The following THEMIS variants were observed in gnomAD, a reference collection of about 807,000 sequenced individuals.
The protein encoded by THEMIS is protein THEMIS.
THEMIS carries 37 observed loss-of-function variants against 52.6 expected under a neutral mutation model. The ratio of observed to expected loss-of-function variants is 0.70; its 90% CI spans 0.54 to 0.93. THEMIS has a LOEUF of 0.93. Ranked by LOEUF, THEMIS falls within the 40% of genes least tolerant of loss-of-function variation. The pLI, the probability that THEMIS is intolerant of heterozygous loss-of-function variation, is 0.00. For synonymous variants in THEMIS, 292 were observed against 272.7 expected (o/e 1.07, Z -0.70); for missense variants, 808 against 763.1 (o/e 1.06, Z -0.69).
intron 4 of THEMIS, among the ~76,000 whole-genome samples, chr6:127,795,649 A>G (rs750207000): frequency 6.6e-6 from 1 of 152,162 alleles, no homozygotes; most frequent in Non-Finnish European, 1.5e-5. Context: ...TTTAGAAGTT[A>G]ATAAAGTGTT....
In THEMIS at chr6:127,813,047, C is replaced by G; in HGVS notation, c.1594G>C (p.Val532Leu). ...DAEPFLVRTLVEEITEEQYYM... is the reference protein window; with the variant it reads ...DAEPFLVRTLLEEITEEQYYM... ...TATTGCTCTTCAGTGATCTCTTCTACCAGAGTCCTGACTAGAAATGGTTCT... is the reference window on the plus strand; with the variant it reads ...TATTGCTCTTCAGTGATCTCTTCTAGCAGAGTCCTGACTAGAAATGGTTCT... The change falls in exon 4 of 6, where the codon GTA becomes CTA. Residue 532 changes from valine to leucine, a missense_variant. Val to Leu is a conservative substitution (Grantham distance 32, BLOSUM62 1). Coordinates refer to ENST00000368248, the MANE Select transcript of THEMIS (RefSeq NM_001010923.3). The G allele has an allele frequency of 1.2e-6, 2 of 1,614,088 alleles. No individual in the cohort carries two copies. Among genetic ancestry groups the G allele is most frequent in the Non-Finnish European group, 1.7e-6 (2 of 1,180,012 alleles).
intron 4 of THEMIS, among the ~76,000 whole-genome samples, chr6:127,747,351 T>C (rs2114316942): frequency 6.9e-6 from 1 of 144,564 alleles, no homozygotes; most frequent in South Asian, 2.1e-4. Context: ...GATACAATTA[T>C]AGATATATAA....
intron 4 of THEMIS, among the ~76,000 whole-genome samples, chr6:127,784,330 C>T (rs942943932): frequency 6.6e-6 from 1 of 151,978 alleles, no homozygotes; most frequent in Non-Finnish European, 1.5e-5. Context: ...CACATGTATA[C>T]CTATGTAACA....
rs759683239 is a variant in THEMIS, at chr6:127,719,766, T to C, written c.1816A>G (p.Lys606Glu). The C allele has an allele frequency of 1.2e-6, 2 of 1,612,488 alleles. No homozygotes were observed. Residue 606 changes from lysine to glutamate, a missense_variant, in exon 5 of 6, where the codon AAA becomes GAA. By Grantham distance (56) the Lys-to-Glu change is moderately conservative. Coordinates refer to ENST00000368248, the MANE Select transcript of THEMIS (RefSeq NM_001010923.3). ...LHPNQAGLDS[K>E]VLIGSQNDLV... ...TCATTCTGACTACCAATCAGTACTT[T>C]TGAATCCAGGCCAGCTTGATTTGGG...
intron 3 of THEMIS, among the ~76,000 whole-genome samples, chr6:127,824,790 T>G (rs116949414): frequency 0.069 from 10,496 of 152,128 alleles, 383 homozygotes; most frequent in Non-Finnish European, 0.086. Context: ...AGCCACCGGG[T>G]GGCAGGCGCC....
chr6:127,889,678 A>T (rs539637157), intron 1 of THEMIS, among the ~76,000 whole-genome samples: 24 of 147,144 alleles, frequency 1.6e-4, no homozygotes, highest in African/African-American at 5.8e-4. Flanking sequence ...TTTAATATTA[A>T]AAATCCTAAT....
chr6:127,861,039 C>A (rs1680309609), intron 1 of THEMIS, among the ~76,000 whole-genome samples: 2 of 152,044 alleles, frequency 1.3e-5, no homozygotes. Context: ...GATTGTGGAA[C>A]AAATCAGTGA....
At chr6:127,868,475 A>G in intron 1 of THEMIS, 1 of 985,398 alleles carries the variant, frequency 1.0e-6, no homozygotes, top group Non-Finnish European at 1.2e-6. Context: ...AGCATTTCCC[A>G]ACCTTCCACA....
At chr6:127,825,894 C>T (rs960632252) in intron 3 of THEMIS, among the ~76,000 whole-genome samples, 4 of 152,006 alleles carry the variant, frequency 2.6e-5, no homozygotes, top group Non-Finnish European at 4.4e-5. Context: ...ACGATAAGGT[C>T]GTCATCGCAG....
chr6:127,825,722 G>A (rs117422902), intron 3 of THEMIS, among the ~76,000 whole-genome samples: 26 of 152,230 alleles, frequency 1.7e-4, no homozygotes, highest in Middle Eastern at 3.4e-3. Flanking sequence ...ACATGAGAAC[G>A]AAGAGTTACA....
chr6:127,813,092 T>C lies in THEMIS; in HGVS notation c.1549A>G (p.Ser517Gly), dbSNP rs150659844. The C allele has an allele frequency of 3.7e-6, 6 of 1,613,924 alleles. No individual in the cohort carries two copies. Among genetic ancestry groups the C allele is most frequent in the Admixed American group, 1.7e-5 (1 of 59,974 alleles). ...GGTTCTGCATCCCTAGAGAAATTACTAACTAACTGAACAGTCATATTCAAG... is the reference window on the plus strand; with the variant it reads ...GGTTCTGCATCCCTAGAGAAATTACCAACTAACTGAACAGTCATATTCAAG... ...GRLNMTVQLVSNFSRDAEPFL... is the reference protein window; with the variant it reads ...GRLNMTVQLVGNFSRDAEPFL... Residue 517 changes from serine (S) to glycine (G), a missense_variant, in exon 4 of 6, where the codon AGT becomes GGT. Coordinates refer to ENST00000368248, the MANE Select transcript of THEMIS (RefSeq NM_001010923.3).
intron 2 of THEMIS, among the ~76,000 whole-genome samples, chr6:127,848,028 A>G (rs1288115444): frequency 1.3e-5 from 2 of 150,404 alleles, no homozygotes; most frequent in East Asian, 4.0e-4. Flanking sequence ...TTAACTCGTC[A>G]TTTAACATTA....
chr6:127,787,797 T>TGATAAGTA (rs1777003591), intron 4 of THEMIS, among the ~76,000 whole-genome samples: 1 of 74,814 alleles, frequency 1.3e-5, no homozygotes, highest in South Asian at 4.9e-4. Context: ...CCTGCCACAG[T>TGATAAGTA]GATAGGTAGA....
intron 4 of THEMIS, among the ~76,000 whole-genome samples, chr6:127,766,055 G>T (rs921153326): frequency 2.0e-5 from 3 of 151,990 alleles, no homozygotes; most frequent in African/African-American, 7.2e-5. Context: ...TCAAAATTTA[G>T]CACCCCAAAT....
At chr6:127,882,873 T>A (rs563838513) in intron 1 of THEMIS, among the ~76,000 whole-genome samples, 3 of 152,024 alleles carry the variant, frequency 2.0e-5, no homozygotes, top group Non-Finnish European at 2.9e-5. Context: ...CCCGAAAAAA[T>A]TAAATTCATT....
chr6:127,762,879 T>C (rs190357289), intron 4 of THEMIS, among the ~76,000 whole-genome samples: 69 of 152,128 alleles, frequency 4.5e-4, no homozygotes, highest in African/African-American at 1.5e-3. Flanking sequence ...ACAGAAGTAA[T>C]ACATTCAGTG....
chr6:127,801,512 T>C (rs865865639), intron 4 of THEMIS, among the ~76,000 whole-genome samples: 1 of 152,162 alleles, frequency 6.6e-6, no homozygotes, highest in Non-Finnish European at 1.5e-5. Context: ...CAACTTGGAA[T>C]GAGGACGAGT....
At chr6:127,852,347 C>T (rs934817389) in intron 2 of THEMIS, among the ~76,000 whole-genome samples, 2 of 151,416 alleles carry the variant, frequency 1.3e-5, no homozygotes, top group Admixed American at 6.6e-5. Context: ...AGAAGATACA[C>T]AAAGAAATAG....
chr6:127,750,665 G>A (rs1246022283), intron 4 of THEMIS, among the ~76,000 whole-genome samples: 1 of 151,742 alleles, frequency 6.6e-6, no homozygotes, highest in African/African-American at 2.4e-5. Context: ...CATAATTGCT[G>A]ATGCAATTTT....
Sources: allele counts gnomAD v4.1 joint callset (sites outside exome capture counted in the v4.1 genomes callset), GRCh38; gene constraint gnomAD v4.1.1; transcripts MANE v1.5; gene names NCBI Gene and HGNC (gene_info 2026-07-23, HGNC 2026-07-21).